Variants in L3MBTL4 observed in about 807,000 individuals in gnomAD.
L3MBTL4 encodes lethal(3)malignant brain tumor-like protein 4.
Under a neutral mutation model 84.5 loss-of-function variants are expected in L3MBTL4, and 70 were observed. The observed-to-expected ratio is 0.83, with a 90% confidence interval of 0.68 to 1.01. L3MBTL4 has a LOEUF of 1.01. L3MBTL4 is among the 50% of genes least tolerant of loss of function. L3MBTL4 has a pLI of 0.00. For synonymous variants in L3MBTL4, 274 were observed against 259.8 expected (o/e 1.05, Z -0.52); for missense variants, 715 against 754.8 (o/e 0.95, Z 0.62).
At chr18:6,055,907 G>GTA (rs2057005744) in intron 16 of L3MBTL4, among the ~76,000 whole-genome samples, 1 of 152,036 alleles carries the variant, frequency 6.6e-6, no homozygotes, top group Non-Finnish European at 1.5e-5. Context: ...AAGGGACTTT[G>GTA]TGTTTATTTT....
chr18:5,960,347 CTTA>C (rs2095257532), intron 17 of L3MBTL4, among the ~76,000 whole-genome samples, 191 bp from the exon 18 acceptor site: 1 of 152,146 alleles, frequency 6.6e-6, no homozygotes, highest in South Asian at 2.1e-4. Flanking sequence ...TTTCTGTCCT[CTTA>C]TTACCGGGCT....
chr18:6,213,987 G>A (rs1021463856), intron 11 of L3MBTL4, among the ~76,000 whole-genome samples: 1 of 152,102 alleles, frequency 6.6e-6, no homozygotes, highest in Admixed American at 6.5e-5. Flanking sequence ...AAACTGTATG[G>A]CACAGAAGGC....
In L3MBTL4 at chr18:6,145,092, T is replaced by C. The variant is rs16949495; in HGVS notation, c.1097-6796A>G. 1.0e-2 allele frequency among the ~76,000 whole-genome samples: 1,520 copies of C among 152,328 alleles called. 24 individuals carry two copies. The highest frequency in any genetic ancestry group is 0.035 in the African/African-American group (1,442 of 41,566). ...ATTTTTCTTTTGTGAAATCAAGCAA[T>C]TGTCCTTAAAAGAAAACACTCAAGT... On this transcript the variant is annotated intron_variant, in intron 13 of 18. Transcript: ENST00000317931.
chr18:6,257,145 T>G (rs1343376508), intron 5 of L3MBTL4, among the ~76,000 whole-genome samples: 1 of 152,174 alleles, frequency 6.6e-6, no homozygotes, highest in Non-Finnish European at 1.5e-5. Flanking sequence ...TATTATCTGC[T>G]GTTTTCAGTT....
intron 9 of L3MBTL4, among the ~76,000 whole-genome samples, chr18:6,239,124 G>A (rs557626699): frequency 3.4e-4 from 51 of 151,910 alleles, no homozygotes; most frequent in African/African-American, 1.1e-3. Flanking sequence ...GGCGGATCAC[G>A]AGGTCAGGAG....
At chr18:6,249,160 G>A (rs995371568) in intron 5 of L3MBTL4, among the ~76,000 whole-genome samples, 13 of 151,854 alleles carry the variant, frequency 8.6e-5, no homozygotes, top group Non-Finnish European at 1.3e-4. Flanking sequence ...GAAATTTCTC[G>A]GTTAACTTCA....
chr18:6,052,038 G>A (rs1335008153), intron 16 of L3MBTL4, among the ~76,000 whole-genome samples: 1 of 152,198 alleles, frequency 6.6e-6, no homozygotes, highest in East Asian at 1.9e-4. Flanking sequence ...TTCCCTTGCA[G>A]TTTCCCTAAT....
intron 3 of L3MBTL4, among the ~76,000 whole-genome samples, chr18:6,306,688 C>T (rs1251867066): frequency 6.6e-6 from 1 of 152,190 alleles, no homozygotes; most frequent in Admixed American, 6.5e-5. Flanking sequence ...GCTTGGCCAT[C>T]AAGCCTCACC....
chr18:6,275,854 C>G (rs912973389), intron 4 of L3MBTL4, among the ~76,000 whole-genome samples: 3 of 152,172 alleles, frequency 2.0e-5, no homozygotes, highest in African/African-American at 7.2e-5. Flanking sequence ...GAAAAGAAAA[C>G]TCAGGACCCC....
In L3MBTL4 at chr18:5,983,966, C is replaced by T. The variant is rs145097253; in HGVS notation, c.1445-14404G>A. Among the ~76,000 whole-genome samples the T allele has an allele frequency of 1.1e-3, 175 of 152,240 alleles. 1 individual carries two copies. Among genetic ancestry groups the T allele is most frequent in the African/African-American group, 3.6e-3 (148 of 41,540 alleles). On this transcript the variant is annotated intron_variant, in intron 16 of 18. Coordinates refer to ENST00000317931, the MANE Select transcript of L3MBTL4 (RefSeq NM_001330559.2). ...TTCCTCTAACACCCAGGCTGGAGTGCAATTATGTAATCTAGGCTCACTGCA... is the reference window on the plus strand; with the variant it reads ...TTCCTCTAACACCCAGGCTGGAGTGTAATTATGTAATCTAGGCTCACTGCA...
chr18:6,312,225 G>A lies in L3MBTL4; in HGVS notation c.-90-169C>T, dbSNP rs140169089. 1.4e-3 allele frequency among the ~76,000 whole-genome samples: 220 copies of A among 152,250 alleles called. 5 individuals are homozygous for A. In the East Asian group the frequency reaches 0.036, roughly 25 times the overall value. ...CAACCATCAATACCAAACGAGTTCC[G>A]CTGGAGCTATAATTCAGAAGTCATT... On this transcript the variant is annotated intron_variant, in intron 1 of 18. Transcript: ENST00000317931.
intron 16 of L3MBTL4, among the ~76,000 whole-genome samples, chr18:6,004,997 ATTTTT>A (rs60294342): frequency 9.6e-5 from 5 of 52,158 alleles, no homozygotes; most frequent in Admixed American, 3.5e-4. Flanking sequence ...TAAGATGATA[ATTTTT>A]TTTTTTTTTT....
intron 12 of L3MBTL4, among the ~76,000 whole-genome samples, chr18:6,185,487 C>T (rs2044681676): frequency 6.6e-6 from 1 of 152,124 alleles, no homozygotes; most frequent in Non-Finnish European, 1.5e-5. Flanking sequence ...AGGCTGCAGG[C>T]TGGCAGTGGC....
At chr18:6,030,257 C>G in intron 16 of L3MBTL4, 1 of 972,522 alleles carries the variant, frequency 1.0e-6, no homozygotes, top group African/African-American at 1.8e-5. Context: ...GGGAGAGATA[C>G]CCCCTTATAC....
At chr18:5,956,847 T>C (rs1458140687) in intron 18 of L3MBTL4, among the ~76,000 whole-genome samples, 2 of 152,222 alleles carry the variant, frequency 1.3e-5, no homozygotes, top group Non-Finnish European at 2.9e-5. Flanking sequence ...AATACTATAG[T>C]CAGAGTGGGC....
chr18:6,131,305 T>C (rs1460665234), intron 14 of L3MBTL4, among the ~76,000 whole-genome samples: 1 of 152,206 alleles, frequency 6.6e-6, no homozygotes, highest in African/African-American at 2.4e-5. Context: ...ATTTTCACGC[T>C]TTCCCCAGGG....
At chr18:5,971,185 T>C (rs1234165315) in intron 16 of L3MBTL4, among the ~76,000 whole-genome samples, 1 of 152,180 alleles carries the variant, frequency 6.6e-6, no homozygotes, top group African/African-American at 2.4e-5. Context: ...TGTTGGCAAA[T>C]GTGAATGTTT....
At chr18:5,995,747 C>G (rs1169615148) in intron 16 of L3MBTL4, among the ~76,000 whole-genome samples, 1 of 152,072 alleles carries the variant, frequency 6.6e-6, no homozygotes, top group Non-Finnish European at 1.5e-5. Context: ...AAAATGTTAC[C>G]CTAAGAGCAT....
At chr18:6,404,392 T>G (rs1475338894) in intron 1 of L3MBTL4, among the ~76,000 whole-genome samples, 1 of 152,216 alleles carries the variant, frequency 6.6e-6, no homozygotes, top group African/African-American at 2.4e-5. Flanking sequence ...AGCCATTCAC[T>G]GACACATTTA....
Sources: allele counts gnomAD v4.1 joint callset (sites outside exome capture counted in the v4.1 genomes callset), GRCh38; gene constraint gnomAD v4.1.1; transcripts MANE v1.5; gene names NCBI Gene and HGNC (gene_info 2026-07-23, HGNC 2026-07-21).